NRG3: variants seen among roughly 807,000 people sequenced by gnomAD.
The protein encoded by NRG3 is pro-neuregulin-3, membrane-bound isoform.
A neutral mutation model predicts 66.9 loss-of-function variants in NRG3; 31 were observed. That is an observed-to-expected ratio of 0.46 (90% CI 0.35 to 0.63). The LOEUF (loss-of-function observed/expected upper bound fraction) is 0.63. Among genes scored for constraint, NRG3 ranks in the 20% least tolerant of loss-of-function variants. The pLI, the probability that NRG3 is intolerant of heterozygous loss-of-function variation, is 0.00. For synonymous variants in NRG3, 393 were observed against 359.4 expected (o/e 1.09, Z -1.06); for missense variants, 910 against 878.9 (o/e 1.04, Z -0.45).
chr10:81,975,339 A>G (rs565554064), intron 1 of NRG3, among the ~76,000 whole-genome samples: 12 of 151,656 alleles, frequency 7.9e-5, no homozygotes, highest in African/African-American at 2.9e-4. Context: ...CTATCTATCT[A>G]TCTATCTATC....
chr10:82,887,955 T>C (rs1479333177), intron 4 of NRG3, among the ~76,000 whole-genome samples: 2 of 152,258 alleles, frequency 1.3e-5, no homozygotes, highest in African/African-American at 4.8e-5. Context: ...ATTTGTATTA[T>C]TGAGTTACTT....
chr10:82,434,883 A>G (rs972605566), intron 2 of NRG3, among the ~76,000 whole-genome samples: 8 of 152,154 alleles, frequency 5.3e-5, no homozygotes, highest in Admixed American at 5.2e-4. Context: ...GATGTTCATC[A>G]GGGATATTGG....
chr10:82,344,350 G>C (rs1432131778), intron 1 of NRG3, among the ~76,000 whole-genome samples: 4 of 151,390 alleles, frequency 2.6e-5, no homozygotes, highest in African/African-American at 9.8e-5. Flanking sequence ...TACTGAGAAT[G>C]ATGATTTCCA....
intron 1 of NRG3, among the ~76,000 whole-genome samples, chr10:82,058,813 A>C (rs1318829781): frequency 2.6e-5 from 4 of 152,144 alleles, no homozygotes; most frequent in African/African-American, 9.7e-5. Context: ...CTGAAGAGGC[A>C]GTTCTTATTT....
chr10:81,961,831 C>T (rs574155074), intron 1 of NRG3, among the ~76,000 whole-genome samples: 1 of 152,302 alleles, frequency 6.6e-6, no homozygotes, highest in African/African-American at 2.4e-5. Flanking sequence ...TGAACTTGTC[C>T]CACAAGAAGC....
intron 3 of NRG3, among the ~76,000 whole-genome samples, chr10:82,837,264 G>A (rs984506828): frequency 6.6e-6 from 1 of 152,168 alleles, no homozygotes; most frequent in Non-Finnish European, 1.5e-5. Flanking sequence ...ACCCAGTAAT[G>A]GTACTGCTGA....
chr10:82,193,664 G>A (rs1331996063), intron 1 of NRG3, among the ~76,000 whole-genome samples: 1 of 152,126 alleles, frequency 6.6e-6, no homozygotes, highest in African/African-American at 2.4e-5. Context: ...GAATTGATGT[G>A]AATGGTGAGA....
At position 82,860,611 on chromosome 10, in the gene NRG3, C is replaced by T. The variant is rs529821830; in HGVS notation, c.1028-4800C>T. Among the ~76,000 whole-genome samples the T allele has an allele frequency of 3.1e-4, 47 of 152,236 alleles. No individual in the cohort carries two copies. The South Asian group carries it at 9.7e-3, about 32-fold the overall frequency. ...CTGTGAGATAATATTTAAAGCAGTT[C>T]CTGGTACGCAGTAAGTGCTCAGTAA... is the stretch of plus-strand genomic sequence containing the variant. On this transcript the variant is annotated intron_variant, in intron 3 of 8. Coordinates refer to ENST00000372141, the MANE Select transcript of NRG3 (RefSeq NM_001010848.4).
chr10:82,565,760 C>T (rs2045362584), intron 2 of NRG3, among the ~76,000 whole-genome samples: 1 of 152,024 alleles, frequency 6.6e-6, no homozygotes. Context: ...GACTATTTCA[C>T]CACCTTCTAA....
At chr10:82,978,921 G>A in intron 7 of NRG3, 29 bp from the exon 8 acceptor site, 1 of 1,606,654 alleles carries the variant, frequency 6.2e-7, no homozygotes, top group South Asian at 1.1e-5. Context: ...TTGTTTGTTT[G>A]TTTGTCTGTT....
chr10:81,883,601 A>AT (rs1842370230), intron 1 of NRG3, among the ~76,000 whole-genome samples: 2 of 152,322 alleles, frequency 1.3e-5, no homozygotes, highest in African/African-American at 4.8e-5. Flanking sequence ...GGTCAGCTGA[A>AT]TCCATGCAAC....
In NRG3 at chr10:82,617,408, C is replaced by T. The variant is rs537486841; in HGVS notation, c.954-121169C>T. On this transcript the variant is annotated intron_variant, in intron 2 of 8. Coordinates refer to ENST00000372141, the MANE Select transcript of NRG3 (RefSeq NM_001010848.4). ...CACCACACACAGACACACGGCCAGC[C>T]GAAGTTTGGAGAAGGAGGCAGCATG... 5.9e-5 allele frequency among the ~76,000 whole-genome samples: 9 copies of T among 151,902 alleles called. No homozygotes were observed. In the East Asian group the frequency reaches 7.8e-4, roughly 13 times the overall value.
chr10:82,638,567 T>C (rs2050351034), intron 2 of NRG3, among the ~76,000 whole-genome samples: 1 of 152,160 alleles, frequency 6.6e-6, no homozygotes, highest in Non-Finnish European at 1.5e-5. Context: ...TGGATGTCAT[T>C]TGTTGCTGTG....
intron 1 of NRG3, among the ~76,000 whole-genome samples, chr10:82,216,228 G>C (rs886641725): frequency 2.0e-5 from 3 of 151,598 alleles, no homozygotes; most frequent in Non-Finnish European, 4.4e-5. Context: ...TGATCCACCT[G>C]CCTCGGCCTC....
chr10:82,902,058 A>G (rs1202954147), intron 4 of NRG3, among the ~76,000 whole-genome samples: 3 of 152,206 alleles, frequency 2.0e-5, no homozygotes, highest in South Asian at 2.1e-4. Flanking sequence ...CGAAAGATAC[A>G]TGAGACCATT....
intron 2 of NRG3, among the ~76,000 whole-genome samples, chr10:82,653,988 G>T (rs1416132776): frequency 6.6e-6 from 1 of 152,168 alleles, no homozygotes; most frequent in African/African-American, 2.4e-5. Flanking sequence ...AGACTCTGTG[G>T]CAGCCAAAAT....
At chr10:82,607,784 A>G (rs946226830) in intron 2 of NRG3, among the ~76,000 whole-genome samples, 1 of 151,930 alleles carries the variant, frequency 6.6e-6, no homozygotes, top group African/African-American at 2.4e-5. Context: ...GGAGTTTGCA[A>G]TATACATTTA....
chr10:82,569,392 A>AACTTTAAC (rs2133097608), intron 2 of NRG3, among the ~76,000 whole-genome samples: 1 of 151,844 alleles, frequency 6.6e-6, no homozygotes, highest in South Asian at 2.1e-4. Context: ...CAACTCTGAA[A>AACTTTAAC]TGGATGAGAA....
At chr10:82,234,516 G>T (rs917444869) in intron 1 of NRG3, among the ~76,000 whole-genome samples, 2 of 152,168 alleles carry the variant, frequency 1.3e-5, no homozygotes, top group African/African-American at 4.8e-5. Context: ...CAGATCTCCA[G>T]TTCAATCACA....
Sources: allele counts gnomAD v4.1 joint callset (sites outside exome capture counted in the v4.1 genomes callset), GRCh38; gene constraint gnomAD v4.1.1; transcripts MANE v1.5; gene names NCBI Gene and HGNC (gene_info 2026-07-23, HGNC 2026-07-21).